The following HAPLN1 variants were observed in gnomAD, a reference collection of about 807,000 sequenced individuals.
The protein encoded by HAPLN1 is Cartilage link protein.
HAPLN1 carries 13 observed loss-of-function variants against 36.5 expected under a neutral mutation model. That is an observed-to-expected ratio of 0.36 (90% CI 0.23 to 0.57). HAPLN1 has a LOEUF of 0.57. Ranked by LOEUF, HAPLN1 falls within the 20% of genes least tolerant of loss-of-function variation. HAPLN1 has a pLI of 0.83. For missense variants in HAPLN1, 407 were observed against 439.7 expected, an observed-to-expected ratio of 0.93 and a Z score of 0.66; for synonymous variants, 202 against 169.8, an observed-to-expected ratio of 1.19 and a Z score of -1.48.
intron 1 of HAPLN1, among the ~76,000 whole-genome samples, chr5:83,677,748 A>T (rs1316030047): frequency 6.6e-6 from 1 of 152,240 alleles, no homozygotes; most frequent in Non-Finnish European, 1.5e-5. Context: ...ACAAGTATAC[A>T]AATCACAAAC....
At chr5:83,646,513 G>A (rs546954852) in intron 3 of HAPLN1, among the ~76,000 whole-genome samples, 2 of 152,170 alleles carry the variant, frequency 1.3e-5, no homozygotes, top group Admixed American at 6.5e-5. Context: ...TCCACTGAAG[G>A]CCTCGGTAGG....
intron 1 of HAPLN1, 152 bp from the exon 2 acceptor site, chr5:83,673,701 G>C: frequency 1.8e-6 from 1 of 567,936 alleles, no homozygotes; most frequent in Non-Finnish European, 3.1e-6. Flanking sequence ...CTGCCTTTAA[G>C]AGCCGAAGAC....
intron 4 of HAPLN1, among the ~76,000 whole-genome samples, chr5:83,642,237 A>C (rs1342495669): frequency 6.6e-6 from 1 of 152,216 alleles, no homozygotes; most frequent in Non-Finnish European, 1.5e-5. Context: ...CATTTAAAAA[A>C]AAATCAAAAG....
chr5:83,667,652 T>C lies in HAPLN1; in HGVS notation c.100+5772A>G, dbSNP rs148925859. 9.2e-3 allele frequency among the ~76,000 whole-genome samples: 1,396 copies of C among 152,176 alleles called. 26 individuals carry two copies. Among genetic ancestry groups the C allele is most frequent in the African/African-American group, 0.032 (1,321 of 41,526 alleles). On this transcript the variant is annotated intron_variant, in intron 2 of 4. Transcript: ENST00000274341. ...TAAGTTTTAGGTGGGAGAGAGAAAA[T>C]TAAGACAGAGTAACATGTATCCAGT...
intron 1 of HAPLN1, among the ~76,000 whole-genome samples, chr5:83,680,568 C>A (rs550730120): frequency 1.3e-5 from 2 of 151,944 alleles, no homozygotes; most frequent in Non-Finnish European, 2.9e-5. Flanking sequence ...AGTCTGTTTC[C>A]GGACCAGATA....
rs764635138 is a variant in HAPLN1 at position 83,652,694 on chromosome 5, G to C, written c.231C>G (p.Ile77Met). The change falls in exon 3 of 5, where the codon ATC (isoleucine) becomes ATG (methionine). Residue 77 changes from isoleucine (I) to methionine (M), a missense_variant. Physicochemically the swap from Ile to Met is conservative, Grantham distance 10. Coordinates refer to ENST00000274341, the MANE Select transcript of HAPLN1 (RefSeq NM_001884.4). ...PTAFGSGIHKIRIKWTKLTSD... is the reference protein window; with the variant it reads ...PTAFGSGIHKMRIKWTKLTSD... Reference sequence around the variant, plus strand: ...AAGTTAGCTTGGTCCACTTAATTCGGATTTTATGGATTCCTGAGCCAAATG... The same window carrying C: ...AAGTTAGCTTGGTCCACTTAATTCGCATTTTATGGATTCCTGAGCCAAATG... 2 of 1,614,032 alleles carry C rather than the reference G, an allele frequency of 1.2e-6. No homozygotes were observed. The highest frequency in any genetic ancestry group is 3.3e-5 in the Admixed American group (2 of 60,024).
At chr5:83,703,975 A>G (rs540055166) in intron 1 of HAPLN1, among the ~76,000 whole-genome samples, 1 of 152,166 alleles carries the variant, frequency 6.6e-6, no homozygotes, top group African/African-American at 2.4e-5. Flanking sequence ...AATGAAAAAA[A>G]AAGAATGTTA....
chr5:83,662,626 A>T (rs1750437402), intron 2 of HAPLN1, among the ~76,000 whole-genome samples: 2 of 152,192 alleles, frequency 1.3e-5, no homozygotes, highest in Non-Finnish European at 1.5e-5. Context: ...GAGTTTAACT[A>T]TATTAGAGGT....
At chr5:83,672,586 A>T (rs1329695768) in intron 2 of HAPLN1, among the ~76,000 whole-genome samples, 1 of 152,216 alleles carries the variant, frequency 6.6e-6, no homozygotes, top group African/African-American at 2.4e-5. Context: ...TTTCACAGTG[A>T]ATGCAGTTTA....
At chr5:83,661,863 C>T (rs1304051124) in intron 2 of HAPLN1, among the ~76,000 whole-genome samples, 4 of 152,192 alleles carry the variant, frequency 2.6e-5, no homozygotes, top group Non-Finnish European at 1.5e-5. Flanking sequence ...CCTATTGCAT[C>T]ATGCAAAAGA....
At position 83,640,166 on chromosome 5, in the gene HAPLN1, T is replaced by G. The variant is rs1749639041; in HGVS notation, c.*1330A>C. 6.6e-6 allele frequency: 1 copy of G among 152,142 alleles called. No homozygotes were observed. Among genetic ancestry groups the G allele is most frequent in the Non-Finnish European group, 1.5e-5 (1 of 67,984 alleles). The allele number at this position is 152,142 out of a possible 1,614,324, so 9.4% of individuals were successfully genotyped here. ...ATTTGAATACAAATATTGGTCCCTG[T>G]GGGGTCTCAGCAGTCATAAAAATAT... On this transcript the variant is annotated 3_prime_UTR_variant, in exon 5 of 5. Transcript: ENST00000274341.
At position 83,640,457 on chromosome 5, in the gene HAPLN1, A is replaced by G. The variant is rs12657743; in HGVS notation, c.*1039T>C. ...ACTGGTTGGGTTCTCTCGTGTATATACAAATAGGAATAATAAGAATTTTGA... is the reference window on the plus strand; with the variant it reads ...ACTGGTTGGGTTCTCTCGTGTATATGCAAATAGGAATAATAAGAATTTTGA... On this transcript the variant is annotated 3_prime_UTR_variant, in exon 5 of 5. Transcript: ENST00000274341. 1.3e-5 allele frequency: 2 copies of G among 152,152 alleles called. No homozygotes were observed. The highest frequency in any genetic ancestry group is 4.8e-5 in the African/African-American group (2 of 41,442). The allele number at this position is 152,152 out of a possible 1,614,324, so 9.4% of individuals were successfully genotyped here. A position where few individuals can be genotyped will look rare whatever the true frequency, so the allele number is the denominator to read the frequency against.
At chr5:83,691,956 TA>T (rs1751285326) in intron 1 of HAPLN1, among the ~76,000 whole-genome samples, 1 of 151,908 alleles carries the variant, frequency 6.6e-6, no homozygotes, top group Admixed American at 6.6e-5. Context: ...CCAGCCTATA[TA>T]AAACATTTAG....
intron 2 of HAPLN1, among the ~76,000 whole-genome samples, chr5:83,668,073 G>A (rs188019819): frequency 6.6e-6 from 1 of 152,262 alleles, no homozygotes; most frequent in South Asian, 2.1e-4. Flanking sequence ...CTGGATTTTG[G>A]TCCTGGATTT....
At chr5:83,678,775 G>C (rs1261532794) in intron 1 of HAPLN1, among the ~76,000 whole-genome samples, 1 of 152,190 alleles carries the variant, frequency 6.6e-6, no homozygotes, top group South Asian at 2.1e-4. Flanking sequence ...TAAGAGGAAG[G>C]GCAGTAAAAA....
At chr5:83,702,585 C>A (rs925660060) in intron 1 of HAPLN1, among the ~76,000 whole-genome samples, 16 of 152,144 alleles carry the variant, frequency 1.1e-4, no homozygotes, top group African/African-American at 3.6e-4. Flanking sequence ...AAGGGTTACT[C>A]AGAACATAGT....
rs1561295830 is a variant in HAPLN1 at position 83,639,616 on chromosome 5, T to C, written c.*1880A>G. On this transcript the variant is annotated 3_prime_UTR_variant, in exon 5 of 5. Coordinates refer to ENST00000274341, the MANE Select transcript of HAPLN1 (RefSeq NM_001884.4). The stretch of plus-strand genomic sequence containing the variant: ...GAGATAGTCCCCTCTTTAAATAATA[T>C]ATCATCTCATCCTAGACCATTTAGG... 2 of 152,080 alleles carry C rather than the reference T, an allele frequency of 1.3e-5. No individual in the cohort carries two copies. Among genetic ancestry groups the C allele is most frequent in the South Asian group, 4.1e-4 (2 of 4,826 alleles). 9.4% of individuals were successfully genotyped at this position (152,080 alleles called of 1,614,324 possible).
intron 3 of HAPLN1, among the ~76,000 whole-genome samples, chr5:83,650,748 C>G (rs1202912128): frequency 1.3e-5 from 2 of 151,194 alleles, no homozygotes; most frequent in African/African-American, 2.4e-5. Context: ...CATTTTCCTG[C>G]CTCAGCTTCC....
In HAPLN1 at chr5:83,641,323, G is replaced by A; in HGVS notation, c.*173C>T. On this transcript the variant is annotated 3_prime_UTR_variant, in exon 5 of 5. Coordinates refer to ENST00000274341, the MANE Select transcript of HAPLN1 (RefSeq NM_001884.4). The stretch of plus-strand genomic sequence containing the variant: ...TATTAATTTATAATATATATTGAAT[G>A]ATAGCTTTACAAAAAACAAATCAAT... 2.3e-6 allele frequency: 1 copy of A among 436,276 alleles called. No homozygotes were observed. 27.0% of individuals were successfully genotyped at this position (436,276 alleles called of 1,614,324 possible).
Sources: gnomAD v4.1 joint callset for allele counts (sites outside exome capture counted in the v4.1 genomes callset) on GRCh38, gnomAD v4.1.1 for gene constraint, MANE v1.5 for transcripts, NCBI Gene and HGNC (gene_info 2026-07-23, HGNC 2026-07-21) for gene names.